RBM27: variants seen among roughly 807,000 people sequenced by gnomAD.
RBM27 encodes the protein RNA-binding protein 27.
In RBM27, 22 loss-of-function variants were observed where a neutral mutation model predicts 135.3. The observed-to-expected ratio is 0.16, with a 90% CI of 0.12 to 0.23. The LOEUF (loss-of-function observed/expected upper bound fraction) is 0.23, where lower values mean the gene tolerates loss of function less well. Among genes scored for constraint, RBM27 ranks in the 10% least tolerant of loss-of-function variants. The pLI is 1.00. For missense variants in RBM27, 1,009 were observed against 1,281.0 expected (o/e 0.79, Z 3.24); for synonymous variants, 481 against 442.4 (o/e 1.09, Z -1.10).
At chr5:146,230,067 A>C (rs1266315989) in intron 5 of RBM27, among the ~76,000 whole-genome samples, 157 bp downstream of exon 5, 1 of 152,180 alleles carries the variant, frequency 6.6e-6, no homozygotes, top group Non-Finnish European at 1.5e-5. Flanking sequence ...TTGTTAGAAA[A>C]CAGGGCTCTA....
At position 146,263,567 on chromosome 5, in the gene RBM27, G is replaced by A. The variant is rs868156536; in HGVS notation, c.2267G>A (p.Gly756Asp). The A allele has an allele frequency of 6.2e-7, 1 of 1,614,042 alleles. No individual in the cohort carries two copies. Among genetic ancestry groups the A allele is most frequent in the African/African-American group, 1.3e-5 (1 of 74,912 alleles). ...GTTAAACATCGTCTTGGACATGCAG[G>A]TGGTAACCAGAGTGATGCATCACAT... ...VPVKHRLGHAGGNQSDASHLL... is the reference protein window; with the variant it reads ...VPVKHRLGHADGNQSDASHLL... Residue 756 changes from glycine (G) to aspartate (D), a missense_variant, in exon 14 of 21, where the codon GGT becomes GAT. Around this residue, in one of 6 missense-constraint regions of RBM27, gnomAD observed 355 missense variants for 427.3 expected, o/e 0.83. Transcript: ENST00000265271.
intron 19 of RBM27, among the ~76,000 whole-genome samples, chr5:146,274,678 A>C (rs1326892810): frequency 6.6e-6 from 1 of 152,170 alleles, no homozygotes; most frequent in Admixed American, 6.5e-5. Context: ...ATATTGATTG[A>C]TCTCGATCTT....
At chr5:146,220,489 A>AAAAT (rs1554078215) in intron 2 of RBM27, among the ~76,000 whole-genome samples, 1 of 104,916 alleles carries the variant, frequency 9.5e-6, no homozygotes, top group African/African-American at 3.0e-5. Context: ...AAAAAAAAAA[A>AAAAT]ATATATATAT....
intron 8 of RBM27, among the ~76,000 whole-genome samples, chr5:146,248,190 C>G (rs75842817): frequency 0.01 from 1,457 of 145,106 alleles, 40 homozygotes; most frequent in East Asian, 0.054. Context: ...TTCAGATTGT[C>G]TCATCTTTAA....
chr5:146,203,622 G>C lies in RBM27; in HGVS notation c.-144G>C. On this transcript the variant is annotated 5_prime_UTR_variant, in exon 1 of 21. Transcript: ENST00000265271. ...CTTGGGTTAGTTCCTGTTAGGCCCC[G>C]GCCGGGGGAGTAGGTTGAAGTCTCC... 2 of 719,754 alleles carry C rather than the reference G, an allele frequency of 2.8e-6. No individual in the cohort carries two copies. Among genetic ancestry groups the C allele is most frequent in the Non-Finnish European group, 2.3e-6 (1 of 426,194 alleles). 44.6% of individuals were successfully genotyped at this position (719,754 alleles called of 1,614,324 possible).
chr5:146,215,805 C>T (rs976910822), intron 1 of RBM27, among the ~76,000 whole-genome samples: 3 of 151,766 alleles, frequency 2.0e-5, no homozygotes, highest in African/African-American at 7.3e-5. Context: ...GGCTGGAGTG[C>T]AGTGGTGTGA....
At chr5:146,246,528 G>A (rs1757629668) in intron 8 of RBM27, among the ~76,000 whole-genome samples, 1 of 152,048 alleles carries the variant, frequency 6.6e-6, no homozygotes, top group Non-Finnish European at 1.5e-5. Context: ...ATTTTTTAAT[G>A]TAGCTGGGCG....
chr5:146,272,786 G>A (rs908916845), intron 19 of RBM27, among the ~76,000 whole-genome samples: 3 of 151,978 alleles, frequency 2.0e-5, no homozygotes, highest in Non-Finnish European at 4.4e-5. Context: ...TTCACTTCAA[G>A]TGTTTTTATT....
intron 6 of RBM27, among the ~76,000 whole-genome samples, chr5:146,231,743 A>G (rs1260529125): frequency 1.3e-5 from 2 of 151,964 alleles, no homozygotes; most frequent in Non-Finnish European, 2.9e-5. Flanking sequence ...TCAGCCTCCC[A>G]AGTAGCTGGG....
At chr5:146,248,164 A>G (rs778261453) in intron 8 of RBM27, among the ~76,000 whole-genome samples, 2 of 149,386 alleles carry the variant, frequency 1.3e-5, no homozygotes, top group Non-Finnish European at 3.0e-5. Flanking sequence ...TCACTCCATT[A>G]TAGTCTTTTT....
chr5:146,207,899 C>T (rs928345490), intron 1 of RBM27, among the ~76,000 whole-genome samples: 3 of 149,810 alleles, frequency 2.0e-5, no homozygotes, highest in Non-Finnish European at 3.0e-5. Flanking sequence ...AGGTGATCCG[C>T]CTCCCAAAGT....
At chr5:146,223,094 G>A (rs1020830998) in intron 2 of RBM27, among the ~76,000 whole-genome samples, 3 of 151,870 alleles carry the variant, frequency 2.0e-5, no homozygotes, top group Non-Finnish European at 2.9e-5. Context: ...TTTTATAGCC[G>A]CTGTGTACTC....
chr5:146,271,586 A>G lies in RBM27; in HGVS notation c.2900A>G (p.Asn967Ser). ...GRGGRGRGSL[N>S]HMVVDHRPKA... The stretch of plus-strand genomic sequence containing the variant: ...GGAGGAAGAGGAAGGGGCTCACTAA[A>G]TCACATGGTGGTGGACCATCGTCCC... The change falls in exon 19 of 21, where the codon AAT becomes AGT. Residue 967 changes from asparagine to serine, a missense_variant. Asn to Ser is a conservative substitution (Grantham distance 46). Around this residue, in one of 6 missense-constraint regions of RBM27, gnomAD observed 355 missense variants for 427.3 expected, o/e 0.83. Coordinates refer to ENST00000265271, the MANE Select transcript of RBM27 (RefSeq NM_018989.2). 1 of 1,613,744 alleles carries G rather than the reference A, an allele frequency of 6.2e-7. No individual in the cohort carries two copies. Among genetic ancestry groups the G allele is most frequent in the Non-Finnish European group, 8.5e-7 (1 of 1,179,704 alleles).
At chr5:146,224,929 C>A (rs1023350854) in intron 3 of RBM27, among the ~76,000 whole-genome samples, 2 of 152,064 alleles carry the variant, frequency 1.3e-5, no homozygotes, top group Non-Finnish European at 2.9e-5. Context: ...TAGTGAGTCA[C>A]ATACTTCATG....
intron 9 of RBM27, among the ~76,000 whole-genome samples, chr5:146,253,641 C>T (rs1478706370): frequency 6.6e-6 from 1 of 152,126 alleles, no homozygotes; most frequent in Non-Finnish European, 1.5e-5. Context: ...ATCTCAGAAT[C>T]ACCTGTGCTT....
chr5:146,244,205 T>G (rs72806115), intron 8 of RBM27, among the ~76,000 whole-genome samples: 1 of 152,220 alleles, frequency 6.6e-6, no homozygotes, highest in Non-Finnish European at 1.5e-5. Context: ...CCTGGTAAAG[T>G]TAATATTGGC....
chr5:146,266,859 GA>G (rs1380536567), intron 14 of RBM27, among the ~76,000 whole-genome samples: 3 of 152,176 alleles, frequency 2.0e-5, no homozygotes, highest in Non-Finnish European at 2.9e-5. Flanking sequence ...GAGCCCAAGA[GA>G]TTGAGGCGCA....
chr5:146,264,654 T>TAAAAAAAAAAAAA, intron 14 of RBM27, among the ~76,000 whole-genome samples: 1 of 97,902 alleles, frequency 1.0e-5, no homozygotes, highest in Non-Finnish European at 2.1e-5. Flanking sequence ...CAAAGAGAGC[T>TAAAAAAAAAAAAA]AAAAAAAAAA....
chr5:146,217,464 G>GTTTTTTTTT (rs545963169), intron 1 of RBM27, among the ~76,000 whole-genome samples: 13 of 70,768 alleles, frequency 1.8e-4, no homozygotes, highest in African/African-American at 7.3e-4. Context: ...GCTGAAGCCT[G>GTTTTTTTTT]TTTTTTTTTT....
Sources: allele counts gnomAD v4.1 joint callset (sites outside exome capture counted in the v4.1 genomes callset), GRCh38; gene constraint gnomAD v4.1.1; regional missense constraint gnomAD v4.1.1; transcripts MANE v1.5; gene names NCBI Gene and HGNC (gene_info 2026-07-23, HGNC 2026-07-21).